The following RTKN2 variants were observed in gnomAD, a reference collection of about 807,000 sequenced individuals.
The protein encoded by RTKN2 is rhotekin 2.
Under a neutral mutation model 71.5 loss-of-function variants are expected in RTKN2, and 69 were observed. The observed-to-expected ratio is 0.96, with a 90% CI of 0.79 to 1.18. The LOEUF is 1.18. Among genes scored for constraint, RTKN2 ranks in the 50% most tolerant of loss-of-function variants. The pLI is 0.00. For synonymous variants in RTKN2, 236 were observed against 236.5 expected (o/e 1.00, Z 0.02); for missense variants, 724 against 719.7 (o/e 1.01, Z -0.07).
At chr10:62,189,761 G>A (rs1282789811), downstream of RTKN2, among the ~76,000 whole-genome samples, 1 of 152,160 alleles carries the variant, frequency 6.6e-6, no homozygotes, top group Non-Finnish European at 1.5e-5. Flanking sequence ...GGCTTGAAGG[G>A]GAGGTTGCAG....
At chr10:62,236,808 C>T (rs979363841) in intron 5 of RTKN2, among the ~76,000 whole-genome samples, 6 of 151,836 alleles carry the variant, frequency 4.0e-5, no homozygotes, top group Admixed American at 2.6e-4. Context: ...GAGATCTTGC[C>T]ATTTGCTACA....
chr10:62,194,579 T>C lies in RTKN2; in HGVS notation c.*3329A>G. On this transcript the variant is annotated 3_prime_UTR_variant, in exon 12 of 12. Transcript: ENST00000373789. ...TCTTGCTCATGGTGCAATGCAGTAC[T>C]CTGTCCATGTAGTATAGTTGTGCCT... 1 of 985,422 alleles carries C rather than the reference T, an allele frequency of 1.0e-6. No homozygotes were observed. The highest frequency in any genetic ancestry group is 4.7e-5 in the South Asian group (1 of 21,292). The allele number at this position is 985,422 out of a possible 1,614,324, so 61.0% of individuals were successfully genotyped here.
At chr10:62,185,627 A>G (rs1362937206) in intron 8 of RTKN2, among the ~76,000 whole-genome samples, 1 of 152,212 alleles carries the variant, frequency 6.6e-6, no homozygotes, top group Non-Finnish European at 1.5e-5. Flanking sequence ...CAAAAAAAAA[A>G]GATTGCTTTT....
chr10:62,195,006 G>A lies in RTKN2; in HGVS notation c.*2902C>T, dbSNP rs927013545. Reference sequence around the variant, plus strand: ...ATTTTTGAAAGACTATTTACCTTAGGAGGTGTGCATTTAGAATTTTAAAAA... The same window carrying A: ...ATTTTTGAAAGACTATTTACCTTAGAAGGTGTGCATTTAGAATTTTAAAAA... On this transcript the variant is annotated 3_prime_UTR_variant, in exon 12 of 12. Transcript: ENST00000373789. 3 of 985,166 alleles carry A rather than the reference G, an allele frequency of 3.0e-6. No individual in the cohort carries two copies. Among genetic ancestry groups the A allele is most frequent in the Non-Finnish European group, 2.4e-6 (2 of 829,822 alleles). The allele number at this position is 985,166 out of a possible 1,614,324, so 61.0% of individuals were successfully genotyped here.
At chr10:62,219,786 T>TA (rs914752604) in intron 7 of RTKN2, among the ~76,000 whole-genome samples, 30 of 146,250 alleles carry the variant, frequency 2.1e-4, no homozygotes, top group Admixed American at 3.4e-4. Context: ...CATCTCTAAT[T>TA]AAAAAAAAAA....
At position 62,195,863 on chromosome 10, in the gene RTKN2, G is replaced by A. The variant is rs1441545839; in HGVS notation, c.*2045C>T. ...GCTTTTAAATGGTTCTAGGTAAAAA[G>A]GGCTTCAGTCCTGTTTCAAAGTTCT... On this transcript the variant is annotated 3_prime_UTR_variant, in exon 12 of 12. Transcript: ENST00000373789. 5 of 985,212 alleles carry A rather than the reference G, an allele frequency of 5.1e-6. No homozygotes were observed. The Admixed American group carries it at 1.8e-4, about 36-fold the overall frequency. 61.0% of individuals were successfully genotyped at this position (985,212 alleles called of 1,614,324 possible).
In RTKN2 at chr10:62,198,091, C is replaced by G; in HGVS notation, c.1647G>C (p.Met549Ile). 6.2e-7 allele frequency: 1 copy of G among 1,614,098 alleles called. No homozygotes were observed. The highest frequency in any genetic ancestry group is 8.5e-7 in the Non-Finnish European group (1 of 1,179,982). The change falls in exon 12 of 12, where the codon ATG (methionine) becomes ATC (isoleucine). Residue 549 changes from methionine (M) to isoleucine (I), a missense_variant. By Grantham distance (10) the Met-to-Ile change is conservative. Transcript: ENST00000373789. ...CAGCCATTGGTTTCTGTAAGTGATG[C>G]ATTAGAGTTGATAGTTTGGTATCCA... Reference protein sequence around the residue: ...SSLDTKLSTLMHHLQKPMAAP... With the variant: ...SSLDTKLSTLIHHLQKPMAAP...
chr10:62,249,672 G>A (rs951734791), intron 2 of RTKN2, among the ~76,000 whole-genome samples: 1 of 152,170 alleles, frequency 6.6e-6, no homozygotes, highest in African/African-American at 2.4e-5. Context: ...AATTACATAA[G>A]TGGGTTGCTA....
intron 4 of RTKN2, 84 bp from the exon 5 acceptor site, chr10:62,239,849 A>C: frequency 1.4e-6 from 1 of 702,938 alleles, no homozygotes; most frequent in South Asian, 1.7e-5. Context: ...ATATTAGGTT[A>C]AATATTATTA....
intron 9 of RTKN2, chr10:62,214,991 T>C: frequency 2.2e-6 from 2 of 893,612 alleles, no homozygotes; most frequent in East Asian, 2.8e-5. Context: ...AGAAATAATA[T>C]ACCTGTAAAA....
intron 10 of RTKN2, among the ~76,000 whole-genome samples, chr10:62,203,764 G>A (rs924536870): frequency 2.0e-5 from 3 of 152,216 alleles, no homozygotes; most frequent in Non-Finnish European, 4.4e-5. Context: ...ATACAAGAAG[G>A]CCATGGAGGG....
rs1841328267 is a variant in RTKN2, at chr10:62,196,212, A to G, written c.*1696T>C. ...AACAATAATATCCTTTAGATTTTTA[A>G]TGTCATTTATTGAAATGGCAATCAT... On this transcript the variant is annotated 3_prime_UTR_variant, in exon 12 of 12. Transcript: ENST00000373789. 2 of 970,884 alleles carry G rather than the reference A, an allele frequency of 2.1e-6. No homozygotes were observed. The highest frequency in any genetic ancestry group is 2.4e-6 in the Non-Finnish European group (2 of 816,896). 60.1% of individuals were successfully genotyped at this position (970,884 alleles called of 1,614,324 possible).
chr10:62,215,428 T>C (rs986593285), intron 9 of RTKN2, among the ~76,000 whole-genome samples: 2 of 152,048 alleles, frequency 1.3e-5, no homozygotes, highest in Admixed American at 6.6e-5. Flanking sequence ...GCTGACCAGA[T>C]GCACTATAGG....
At chr10:62,236,734 A>G (rs1325303239) in intron 5 of RTKN2, among the ~76,000 whole-genome samples, 1 of 152,056 alleles carries the variant, frequency 6.6e-6, no homozygotes, top group East Asian at 1.9e-4. Flanking sequence ...GGTAAAACAG[A>G]TAAAGAAAAT....
chr10:62,187,281 A>C (rs1392468245), intron 8 of RTKN2, among the ~76,000 whole-genome samples: 2 of 151,830 alleles, frequency 1.3e-5, no homozygotes, highest in African/African-American at 2.4e-5. Context: ...AAATCACAAA[A>C]AAAAAAAAAA....
intron 2 of RTKN2, among the ~76,000 whole-genome samples, chr10:62,262,335 AT>A (rs995477618): frequency 1.3e-5 from 2 of 152,120 alleles, no homozygotes; most frequent in Non-Finnish European, 2.9e-5. Context: ...CTTACTCTAC[AT>A]TTCTATCAAT....
rs901099045 is a variant in RTKN2 at position 62,193,487 on chromosome 10, T to C, written c.*4421A>G. 6.1e-6 allele frequency: 6 copies of C among 982,908 alleles called. No homozygotes were observed. Among genetic ancestry groups the C allele is most frequent in the Non-Finnish European group, 7.2e-6 (6 of 827,706 alleles). The allele number at this position is 982,908 out of a possible 1,614,324, so 60.9% of individuals were successfully genotyped here. ...TAATTGAATGTAAAGGTAGTTTGTT[T>C]CTCTAAGCACATTGATTAGTAGGCC... On this transcript the variant is annotated 3_prime_UTR_variant, in exon 12 of 12. Transcript: ENST00000373789.
rs1168919047 is a variant in RTKN2, at chr10:62,196,941, G to C, written c.*967C>G. On this transcript the variant is annotated 3_prime_UTR_variant, in exon 12 of 12. Transcript: ENST00000373789. ...CTATGGAAATGATTCCAATGTCACT[G>C]TTGTAAGAATATGACATTTAATGAA... 2 of 978,304 alleles carry C rather than the reference G, an allele frequency of 2.0e-6. No individual in the cohort carries two copies. Among genetic ancestry groups the C allele is most frequent in the African/African-American group, 3.5e-5 (2 of 56,920 alleles). The allele number at this position is 978,304 out of a possible 1,614,324, so 60.6% of individuals were successfully genotyped here. A position where few individuals can be genotyped will look rare whatever the true frequency, so the allele number is the denominator to read the frequency against.
At chr10:62,257,900 A>G (rs920023957) in intron 2 of RTKN2, among the ~76,000 whole-genome samples, 2 of 152,308 alleles carry the variant, frequency 1.3e-5, no homozygotes, top group African/African-American at 4.8e-5. Context: ...TGCCTACCCA[A>G]TCCAGAAAGG....
Sources: allele counts gnomAD v4.1 joint callset (sites outside exome capture counted in the v4.1 genomes callset), GRCh38; gene constraint gnomAD v4.1.1; transcripts MANE v1.5; gene names NCBI Gene and HGNC (gene_info 2026-07-23, HGNC 2026-07-21).